WDR7: variants seen among roughly 807,000 people sequenced by gnomAD.
WDR7 encodes the protein WD repeat domain 7.
WDR7 carries 46 observed loss-of-function variants against 169.4 expected under a neutral mutation model. That is an observed-to-expected ratio of 0.27 (90% CI 0.21 to 0.35). WDR7 has a LOEUF of 0.35. Among genes scored for constraint, WDR7 ranks in the 10% least tolerant of loss-of-function variants. The probability of loss-of-function intolerance (pLI) is 1.00; values close to 1 mark genes in which losing one functional copy is unlikely to be tolerated. For missense variants in WDR7, 1,534 were observed against 1,859.3 expected, an observed-to-expected ratio of 0.83 and a Z score of 3.22; for synonymous variants, 612 against 666.8, an observed-to-expected ratio of 0.92 and a Z score of 1.27.
chr18:56,660,282 A>C (rs2024876312), intron 1 of WDR7, among the ~76,000 whole-genome samples: 1 of 152,182 alleles, frequency 6.6e-6, no homozygotes, highest in Non-Finnish European at 1.5e-5. Context: ...AGGAAGCTGG[A>C]CATACTGATT....
chr18:56,824,169 A>G (rs2045155179), intron 20 of WDR7, among the ~76,000 whole-genome samples: 1 of 152,156 alleles, frequency 6.6e-6, no homozygotes. Context: ...GTGCCCCTCC[A>G]TCTGACTGGC....
At chr18:56,877,719 A>C (rs2046045034) in intron 20 of WDR7, among the ~76,000 whole-genome samples, 1 of 152,218 alleles carries the variant, frequency 6.6e-6, no homozygotes, top group East Asian at 1.9e-4. Flanking sequence ...ATATGGAAGC[A>C]TAGTTCAAGG....
chr18:56,681,424 A>C (rs770074281), intron 4 of WDR7, 33 bp downstream of exon 4: 2 of 1,327,932 alleles, frequency 1.5e-6, no homozygotes, highest in Non-Finnish European at 1.0e-6. Context: ...CTAAGTACAA[A>C]CTATTATAAG....
Position 56,695,155 on chromosome 18 carries a change from G to A in WDR7, c.1314G>A (p.Thr438=), listed in dbSNP as rs749535701. Residue 438 remains threonine (T), a synonymous_variant, in exon 11 of 28, where the codon ACG becomes ACA. Transcript: ENST00000254442. ...TAGTTATTGTACCTGCCACACAGAC[G>A]GCCATAGTACAGCTGTTGCAAGGGG... ...GSIVIVPATQ[T]AIVQLLQGEH... is the part of the protein sequence containing the mutation. 4.3e-6 allele frequency: 7 copies of A among 1,614,142 alleles called. No homozygotes were observed. In the Admixed American group the frequency reaches 5.0e-5, roughly 12 times the overall value.
chr18:56,773,628 C>G (rs970088116), intron 16 of WDR7, among the ~76,000 whole-genome samples: 9 of 151,924 alleles, frequency 5.9e-5, no homozygotes, highest in African/African-American at 1.7e-4. Context: ...TTTTGTACCT[C>G]AAAAAGTCAA....
intron 26 of WDR7, among the ~76,000 whole-genome samples, chr18:57,012,435 G>A (rs2048148309): frequency 6.9e-6 from 1 of 145,704 alleles, no homozygotes; most frequent in African/African-American, 2.5e-5. Context: ...CATGCCACAT[G>A]GGGTTGGGAG....
intron 26 of WDR7, chr18:57,010,417 C>A: frequency 2.5e-6 from 1 of 407,734 alleles, no homozygotes; most frequent in Non-Finnish European, 3.3e-6. Flanking sequence ...TTAAGTATGG[C>A]TGTGTAATTA....
chr18:56,872,084 A>G (rs1257777643), intron 20 of WDR7, among the ~76,000 whole-genome samples: 1 of 149,724 alleles, frequency 6.7e-6, no homozygotes, highest in African/African-American at 2.6e-5. Context: ...CCCCATCAAT[A>G]TATGGCTCAA....
At chr18:56,723,458 AT>A (rs1200133261) in intron 13 of WDR7, among the ~76,000 whole-genome samples, 2 of 152,000 alleles carry the variant, frequency 1.3e-5, no homozygotes, top group African/African-American at 4.8e-5. Context: ...TTTTATCTTC[AT>A]TTTTAAAGGC....
chr18:56,765,955 T>C (rs1485796022), intron 16 of WDR7, among the ~76,000 whole-genome samples: 2 of 152,176 alleles, frequency 1.3e-5, no homozygotes, highest in Admixed American at 6.5e-5. Flanking sequence ...ATCTTTCTTT[T>C]AGTGAGCGTC....
In WDR7 at chr18:56,774,065, C is replaced by G. The variant is rs114046026; in HGVS notation, c.2849-2717C>G. 2.0e-3 allele frequency among the ~76,000 whole-genome samples: 309 copies of G among 151,620 alleles called. 1 individual carries two copies. The highest frequency in any genetic ancestry group is 6.5e-3 in the African/African-American group (268 of 41,338). On this transcript the variant is annotated intron_variant, in intron 16 of 27. Coordinates refer to ENST00000254442, the MANE Select transcript of WDR7 (RefSeq NM_015285.3). Reference sequence around the variant, plus strand: ...TTTTTTGTACTTTAAAAATTTTTTTCTCTGAAAAATGTATTGAAAAGGGCT... The same window carrying G: ...TTTTTTGTACTTTAAAAATTTTTTTGTCTGAAAAATGTATTGAAAAGGGCT...
At chr18:56,852,297 A>G (rs2045652585) in intron 20 of WDR7, among the ~76,000 whole-genome samples, 1 of 152,184 alleles carries the variant, frequency 6.6e-6, no homozygotes, top group Admixed American at 6.5e-5. Flanking sequence ...AGGAAGCCAA[A>G]GGAAACTTGA....
intron 19 of WDR7, among the ~76,000 whole-genome samples, chr18:56,788,366 G>A (rs1461391959): frequency 1.3e-5 from 2 of 151,884 alleles, no homozygotes; most frequent in East Asian, 3.9e-4. Context: ...TCTAGTAATT[G>A]TTACCAATTT....
intron 1 of WDR7, among the ~76,000 whole-genome samples, chr18:56,659,140 G>A (rs1249381376): frequency 6.6e-6 from 1 of 152,114 alleles, no homozygotes; most frequent in Non-Finnish European, 1.5e-5. Flanking sequence ...TATATGTCAC[G>A]ATAGACTAAA....
At chr18:56,957,574 A>G (rs1351131164) in intron 25 of WDR7, 1 of 152,176 alleles carries the variant, frequency 6.6e-6, no homozygotes, top group East Asian at 1.9e-4. Flanking sequence ...ATCAATGTTA[A>G]GAATTCCTAA....
At chr18:56,718,926 T>C (rs2026254033) in intron 13 of WDR7, among the ~76,000 whole-genome samples, 1 of 152,252 alleles carries the variant, frequency 6.6e-6, no homozygotes, top group Non-Finnish European at 1.5e-5. Flanking sequence ...TATACATATT[T>C]GTGCATGCAC....
chr18:56,664,973 T>C (rs1000122483), intron 1 of WDR7, among the ~76,000 whole-genome samples: 1 of 152,154 alleles, frequency 6.6e-6, no homozygotes, highest in Admixed American at 6.5e-5. Flanking sequence ...CGCCATGTTG[T>C]GTGCATATGT....
At chr18:56,831,671 G>A (rs999521415) in intron 20 of WDR7, among the ~76,000 whole-genome samples, 1 of 152,004 alleles carries the variant, frequency 6.6e-6, no homozygotes, top group African/African-American at 2.4e-5. Context: ...GACAGTGGGT[G>A]CAGCCCATGG....
intron 16 of WDR7, among the ~76,000 whole-genome samples, chr18:56,770,313 C>T (rs2044134300): frequency 6.6e-6 from 1 of 152,126 alleles, no homozygotes; most frequent in South Asian, 2.1e-4. Context: ...GTGCTTAGCC[C>T]AATATCGACA....
Sources: gnomAD v4.1 joint callset for allele counts (sites outside exome capture counted in the v4.1 genomes callset) on GRCh38, gnomAD v4.1.1 for gene constraint, MANE v1.5 for transcripts, NCBI Gene and HGNC (gene_info 2026-07-23, HGNC 2026-07-21) for gene names.